Variants in SP4 observed in about 807,000 individuals in gnomAD.
SP4 encodes the protein transcription factor Sp4.
A neutral mutation model predicts 72.8 loss-of-function variants in SP4; 19 were observed. The observed-to-expected ratio is 0.26, with a 90% confidence interval of 0.18 to 0.38. SP4 has a LOEUF of 0.38. SP4 is among the 10% of genes least tolerant of loss of function. The pLI is 1.00. For missense variants in SP4, 1,008 were observed against 926.3 expected (o/e 1.09, Z -1.14); for synonymous variants, 395 against 333.1 (o/e 1.19, Z -2.02).
chr7:21,429,984 C>A lies in SP4; in HGVS notation c.819C>A (p.Asn273Lys), dbSNP rs1049992973. Residue 273 changes from asparagine to lysine, a missense_variant, in exon 3 of 6, where the codon AAC becomes AAA. Coordinates refer to ENST00000222584, the MANE Select transcript of SP4 (RefSeq NM_003112.5). ...GVTLALPVIN[N>K]VAAGGGTGQV... Reference sequence around the variant, plus strand: ...CTCTAGCTTTGCCAGTGATAAACAACGTGGCTGCCGGAGGAGGGACTGGGC... The same window carrying A: ...CTCTAGCTTTGCCAGTGATAAACAAAGTGGCTGCCGGAGGAGGGACTGGGC... 6.2e-7 allele frequency: 1 copy of A among 1,614,160 alleles called. No individual in the cohort carries two copies. The highest frequency in any genetic ancestry group is 1.1e-5 in the South Asian group (1 of 91,074).
Position 21,491,563 on chromosome 7 carries a change from C to A in SP4, c.2107+9440C>A, listed in dbSNP as rs144811990. Among the ~76,000 whole-genome samples, 709 of 152,158 alleles carry A rather than the reference C, an allele frequency of 4.7e-3. 8 individuals are homozygous for A. Among genetic ancestry groups the A allele is most frequent in the African/African-American group, 0.016 (644 of 41,506 alleles). The stretch of plus-strand genomic sequence containing the variant: ...AATAGGTTCAGGAAGTTCGTTGAAT[C>A]CCAAGCAGAAACTAAAAGAAAACAA... On this transcript the variant is annotated intron_variant, in intron 5 of 5. Coordinates refer to ENST00000222584, the MANE Select transcript of SP4 (RefSeq NM_003112.5).
chr7:21,478,975 G>GGA (rs1316070610), intron 4 of SP4, among the ~76,000 whole-genome samples: 1 of 151,928 alleles, frequency 6.6e-6, no homozygotes, highest in African/African-American at 2.4e-5. Context: ...GGCTGAGGGA[G>GGA]GAGAATTGCT....
rs181131340 is a variant in SP4, at chr7:21,497,437, C to T, written c.2108-13585C>T. Among the ~76,000 whole-genome samples, 717 of 152,324 alleles carry T rather than the reference C, an allele frequency of 4.7e-3. 4 individuals are homozygous for T. Among genetic ancestry groups the T allele is most frequent in the Non-Finnish European group, 7.4e-3 (505 of 68,032 alleles). ...AGCCATTTTTCTTGAATAAACACTTCCATGGATTGCTGCAAGCCTTGATTA... is the reference window on the plus strand; with the variant it reads ...AGCCATTTTTCTTGAATAAACACTTTCATGGATTGCTGCAAGCCTTGATTA... On this transcript the variant is annotated intron_variant, in intron 5 of 5. Coordinates refer to ENST00000222584, the MANE Select transcript of SP4 (RefSeq NM_003112.5).
intron 3 of SP4, among the ~76,000 whole-genome samples, chr7:21,448,915 C>T (rs943315974): frequency 1.3e-5 from 2 of 151,998 alleles, no homozygotes; most frequent in African/African-American, 4.8e-5. Flanking sequence ...AGTATATTAA[C>T]CCTTTTATTT....
At chr7:21,442,416 T>C (rs568681651) in intron 3 of SP4, among the ~76,000 whole-genome samples, 1 of 152,346 alleles carries the variant, frequency 6.6e-6, no homozygotes, top group East Asian at 1.9e-4. Flanking sequence ...AACTTTTTTC[T>C]TTCTTATGAT....
intron 3 of SP4, among the ~76,000 whole-genome samples, chr7:21,467,944 A>T (rs1302298840): frequency 6.6e-6 from 1 of 152,122 alleles, no homozygotes; most frequent in East Asian, 1.9e-4. Flanking sequence ...ATTATTATTA[A>T]ATAGGTCAAT....
chr7:21,435,162 G>C (rs1389391290), intron 3 of SP4, among the ~76,000 whole-genome samples: 2 of 152,162 alleles, frequency 1.3e-5, no homozygotes, highest in African/African-American at 4.8e-5. Flanking sequence ...TCATACTGTA[G>C]GCCTTTTGAT....
In SP4 at chr7:21,489,307, G is replaced by A. The variant is rs530477766; in HGVS notation, c.2107+7184G>A. Among the ~76,000 whole-genome samples, 431 of 152,006 alleles carry A rather than the reference G, an allele frequency of 2.8e-3. 1 individual carries two copies. The highest frequency in any genetic ancestry group is 3.1e-3 in the Non-Finnish European group (211 of 67,970). On this transcript the variant is annotated intron_variant, in intron 5 of 5. Coordinates refer to ENST00000222584, the MANE Select transcript of SP4 (RefSeq NM_003112.5). The stretch of plus-strand genomic sequence containing the variant: ...TGAAACAGAAAACTCCATCAATTTC[G>A]TTGAAGTTTTCTCACAGAATTTTGT...
rs532359966 is a variant in SP4, at chr7:21,489,427, C to T, written c.2107+7304C>T. ...CCTTGACCTCCTGGGCTCAAGCAGT[C>T]CTCCCACCTCAGCTGCCTGAGTAGC... On this transcript the variant is annotated intron_variant, in intron 5 of 5. Coordinates refer to ENST00000222584, the MANE Select transcript of SP4 (RefSeq NM_003112.5). 2.6e-5 allele frequency among the ~76,000 whole-genome samples: 4 copies of T among 151,612 alleles called. No individual in the cohort carries two copies. In the South Asian group the frequency reaches 6.3e-4, roughly 24 times the overall value.
intron 3 of SP4, among the ~76,000 whole-genome samples, chr7:21,466,133 G>T (rs1482069625): frequency 6.6e-6 from 1 of 151,982 alleles, no homozygotes; most frequent in Non-Finnish European, 1.5e-5. Flanking sequence ...TTTTGTTATT[G>T]TGCATATTAT....
intron 5 of SP4, chr7:21,482,946 C>T (rs1220750622): frequency 6.1e-6 from 1 of 163,610 alleles, no homozygotes; most frequent in Non-Finnish European, 1.3e-5. Context: ...TTTGTGTGTG[C>T]TATCACAAAC....
At chr7:21,484,869 A>G (rs927656904) in intron 5 of SP4, among the ~76,000 whole-genome samples, 2 of 151,920 alleles carry the variant, frequency 1.3e-5, no homozygotes, top group Non-Finnish European at 2.9e-5. Context: ...AAGAATTTAT[A>G]TATACATATA....
At position 21,511,427 on chromosome 7, in the gene SP4, T is replaced by A; in HGVS notation, c.*158T>A. 1 of 688,776 alleles carries A rather than the reference T, an allele frequency of 1.5e-6. No individual in the cohort carries two copies. The highest frequency in any genetic ancestry group is 2.4e-6 in the Non-Finnish European group (1 of 423,872). 42.7% of individuals were successfully genotyped at this position (688,776 alleles called of 1,614,324 possible). A position where few individuals can be genotyped will look rare whatever the true frequency, so the allele number is the denominator to read the frequency against. On this transcript the variant is annotated 3_prime_UTR_variant, in exon 6 of 6. Transcript: ENST00000222584. ...GGTTTGGGGTCAACACGTGAAGTGT[T>A]GAATTTTAAAAAATACAAAAAGCAG... is the stretch of plus-strand genomic sequence containing the variant.
chr7:21,493,777 A>G (rs972955813), intron 5 of SP4, among the ~76,000 whole-genome samples: 11 of 152,204 alleles, frequency 7.2e-5, no homozygotes, highest in Admixed American at 7.2e-4. Context: ...AATAAATAAT[A>G]CCAAATTCTA....
intron 5 of SP4, among the ~76,000 whole-genome samples, chr7:21,487,759 A>ATGG (rs772993387): frequency 1.5e-5 from 2 of 132,770 alleles, no homozygotes; most frequent in African/African-American, 3.0e-5. Flanking sequence ...GATGATGATG[A>ATGG]TGATGGTGGT....
At chr7:21,461,569 G>T (rs1010084193) in intron 3 of SP4, among the ~76,000 whole-genome samples, 1 of 152,158 alleles carries the variant, frequency 6.6e-6, no homozygotes, top group East Asian at 1.9e-4. Context: ...CACCCACCCG[G>T]AACTCTAGCT....
rs1782751584 is a variant in SP4 at position 21,429,391 on chromosome 7, C to A, written c.226C>A (p.Pro76Thr). ...ATGQQQIIID[P>T]SQGLVQLQNQ... ...TGGACAACAACAAATTATTATAGAT[C>A]CAAGTCAAGGATTGGTGCAACTTCA... Residue 76 changes from proline (P) to threonine (T), a missense_variant, in exon 3 of 6, where the codon CCA becomes ACA. This residue lies in a region of SP4 where 893 missense variants were observed against 743.3 expected (regional missense o/e 1.20). Coordinates refer to ENST00000222584, the MANE Select transcript of SP4 (RefSeq NM_003112.5). 3 of 1,613,918 alleles carry A rather than the reference C, an allele frequency of 1.9e-6. No homozygotes were observed. The highest frequency in any genetic ancestry group is 2.5e-6 in the Non-Finnish European group (3 of 1,179,828).
intron 5 of SP4, among the ~76,000 whole-genome samples, chr7:21,506,473 T>A (rs1782002799): frequency 2.6e-5 from 4 of 152,200 alleles, no homozygotes; most frequent in Admixed American, 2.6e-4. Flanking sequence ...TCTTAGGACC[T>A]TTTCCCTGCA....
At chr7:21,436,146 AC>A (rs1373014107) in intron 3 of SP4, among the ~76,000 whole-genome samples, 2 of 152,132 alleles carry the variant, frequency 1.3e-5, no homozygotes, top group Admixed American at 1.3e-4. Context: ...TGATCTCCCC[AC>A]CTCAGCCTCC....
Sources: gnomAD v4.1 joint callset for allele counts (sites outside exome capture counted in the v4.1 genomes callset) on GRCh38, gnomAD v4.1.1 for gene constraint, gnomAD v4.1.1 regional missense constraint, MANE v1.5 for transcripts, NCBI Gene and HGNC (gene_info 2026-07-23, HGNC 2026-07-21) for gene names.